MLYCD: variants seen among roughly 807,000 people sequenced by gnomAD.
The protein encoded by MLYCD is malonyl-CoA decarboxylase.
In MLYCD, 27 loss-of-function variants were observed where a neutral mutation model predicts 35.8. That is an observed-to-expected ratio of 0.75 (90% CI 0.56 to 1.04). MLYCD has a LOEUF of 1.04. Among genes scored for constraint, MLYCD ranks in the 50% least tolerant of loss-of-function variants. The pLI is 0.00. For synonymous variants in MLYCD, 403 were observed against 302.4 expected (o/e 1.33, Z -3.45); for missense variants, 917 against 665.1 (o/e 1.38, Z -4.17).
At position 83,907,071 on chromosome 16, in the gene MLYCD, C is replaced by G; in HGVS notation, c.613C>G (p.Pro205Ala). ...CCTAGAACGGGTTACCTGGCATTCA[C>G]CGTGTGAAGTGCTTCAGAAAATCAG... ...LNLERVTWHS[P>A]CEVLQKISEA... The change falls in exon 2 of 5, where the codon CCG becomes GCG. Residue 205 changes from proline to alanine, a missense_variant. Transcript: ENST00000262430. 6.2e-7 allele frequency: 1 copy of G among 1,614,060 alleles called. No individual in the cohort carries two copies. Among genetic ancestry groups the G allele is most frequent in the South Asian group, 1.1e-5 (1 of 91,080 alleles).
At chr16:83,900,822 G>GA (rs1183610020) in intron 1 of MLYCD, among the ~76,000 whole-genome samples, 1 of 152,156 alleles carries the variant, frequency 6.6e-6, no homozygotes, top group East Asian at 1.9e-4. Context: ...TTACGTGGGT[G>GA]ATAACACGTA....
chr16:83,909,652 G>A (rs1400816691), intron 3 of MLYCD, among the ~76,000 whole-genome samples: 5 of 143,684 alleles, frequency 3.5e-5, no homozygotes, highest in East Asian at 2.0e-4. Context: ...GCGGAGTTTC[G>A]CTCTTCTTGC....
At chr16:83,900,935 G>T (rs1276889562) in intron 1 of MLYCD, among the ~76,000 whole-genome samples, 1 of 152,150 alleles carries the variant, frequency 6.6e-6, no homozygotes, top group Admixed American at 6.5e-5. Flanking sequence ...AGGGTTATTT[G>T]CACTACGCTT....
chr16:83,916,401 CGT>C lies in MLYCD; in HGVS notation c.*913_*914del, dbSNP rs1187669336. On this transcript the variant is annotated 3_prime_UTR_variant, in exon 5 of 5. Transcript: ENST00000262430. ...GCACATCTGTGTGCATGTGCACGAG[CGT>C]CTCTGTGTGGATCAGTGCACGTCTG... is the stretch of plus-strand genomic sequence containing the variant. The C allele has an allele frequency of 6.0e-6, 1 of 165,604 alleles. No individual in the cohort carries two copies. Among genetic ancestry groups the C allele is most frequent in the African/African-American group, 2.4e-5 (1 of 41,520 alleles). 10.3% of individuals were successfully genotyped at this position (165,604 alleles called of 1,614,324 possible).
Position 83,915,011 on chromosome 16 carries a change from C to A in MLYCD, c.1004C>A (p.Thr335Asn), listed in dbSNP as rs76060070. Residue 335 changes from threonine to asparagine, a missense_variant, in exon 5 of 5, where the codon ACC becomes AAC. By Grantham distance (65) the Thr-to-Asn change is moderately conservative. Transcript: ENST00000262430. The stretch of plus-strand genomic sequence containing the variant: ...AGTCTGTCACCTATACCTGGTTTCA[C>A]CAAATGGCTTCTGGGGCTTCTGAAC... ...FSSLSPIPGF[T>N]KWLLGLLNSQ... 2.0e-5 allele frequency: 32 copies of A among 1,614,104 alleles called. No individual in the cohort carries two copies. Among genetic ancestry groups the A allele is most frequent in the Non-Finnish European group, 2.5e-5 (30 of 1,180,054 alleles).
At chr16:83,902,619 C>T (rs1906837413) in intron 1 of MLYCD, among the ~76,000 whole-genome samples, 1 of 151,420 alleles carries the variant, frequency 6.6e-6, no homozygotes, top group African/African-American at 2.4e-5. Flanking sequence ...CATTCTCCCA[C>T]CTCAGCCTCC....
chr16:83,912,341 A>G lies in MLYCD; in HGVS notation c.922A>G (p.Ile308Val), dbSNP rs765939985. ...AGGGGTGGAGCTGGGAACATTCCTC[A>G]TAAAGCGAGTCGTCAAGGAGTTGCA... The part of the protein sequence containing the change: ...LQGVELGTFL[I>V]KRVVKELQRE... Residue 308 changes from isoleucine to valine, a missense_variant, in exon 4 of 5, where the codon ATA (isoleucine) becomes GTA (valine). Transcript: ENST00000262430. 2 of 1,614,216 alleles carry G rather than the reference A, an allele frequency of 1.2e-6. No homozygotes were observed. Among genetic ancestry groups the G allele is most frequent in the Non-Finnish European group, 1.7e-6 (2 of 1,180,044 alleles).
intron 4 of MLYCD, chr16:83,912,675 G>C (rs1276817446): frequency 2.5e-6 from 1 of 400,644 alleles, no homozygotes; most frequent in Non-Finnish European, 4.8e-6. Flanking sequence ...GGACACTCTG[G>C]ATTTCACGTG....
chr16:83,906,477 T>C (rs1204147036), intron 1 of MLYCD, among the ~76,000 whole-genome samples: 4 of 152,182 alleles, frequency 2.6e-5, no homozygotes, highest in Non-Finnish European at 5.9e-5. Context: ...AATATGAAAA[T>C]GTACATCTCT....
At position 83,912,713 on chromosome 16, in the gene MLYCD, A is replaced by G. The variant is rs1213081976; in HGVS notation, c.948+346A>G. 14 of 360,560 alleles carry G rather than the reference A, an allele frequency of 3.9e-5. No individual in the cohort carries two copies. The East Asian group carries it at 7.7e-4, about 20-fold the overall frequency. The allele number at this position is 360,560 out of a possible 1,614,324, so 22.3% of individuals were successfully genotyped here. ...ATCCTGGTGTAAGTGTCACTCTGAA[A>G]TGTCCCAGCCAGATGGCACAGCTGG... On this transcript the variant is annotated intron_variant, in intron 4 of 4. Transcript: ENST00000262430.
At chr16:83,906,390 C>T (rs1597290039) in intron 1 of MLYCD, among the ~76,000 whole-genome samples, 2 of 152,090 alleles carry the variant, frequency 1.3e-5, no homozygotes, top group Non-Finnish European at 2.9e-5. Context: ...GACCCCGTCT[C>T]TTAAAACAAA....
At chr16:83,907,195 T>C in intron 2 of MLYCD, 96 bp downstream of exon 2, 1 of 1,058,334 alleles carries the variant, frequency 9.4e-7, no homozygotes, top group Non-Finnish European at 1.4e-6. Context: ...TCTCCATTCA[T>C]ATGTACAGTT....
At chr16:83,908,097 G>T in intron 2 of MLYCD, 29 bp from the exon 3 acceptor site, 8 of 1,613,964 alleles carry the variant, frequency 5.0e-6, no homozygotes, top group Non-Finnish European at 6.8e-6. Flanking sequence ...TTATGCATTT[G>T]TCTTGTCTCT....
rs1907447150 is a variant in MLYCD at position 83,917,237 on chromosome 16, G to A, written c.*1748G>A. ...AGCGTCTCTGTGTGGATCAGTGCAC[G>A]TCTGTGTGCGTGTGCCCGAGCGTCT... On this transcript the variant is annotated 3_prime_UTR_variant, in exon 5 of 5. Transcript: ENST00000262430. 1 of 140,274 alleles carries A rather than the reference G, an allele frequency of 7.1e-6. No homozygotes were observed. Among genetic ancestry groups the A allele is most frequent in the Non-Finnish European group, 1.5e-5 (1 of 67,552 alleles). The allele number at this position is 140,274 out of a possible 1,614,324, so 8.7% of individuals were successfully genotyped here.
chr16:83,907,128 T>C, intron 2 of MLYCD, 29 bp downstream of exon 2: 1 of 1,540,618 alleles, frequency 6.5e-7, no homozygotes, highest in South Asian at 1.1e-5. Context: ...ATTTTCTTTG[T>C]ACATACATTT....
chr16:83,912,084 C>A (rs940627515), intron 3 of MLYCD, 134 bp from the exon 4 acceptor site: 2 of 1,312,320 alleles, frequency 1.5e-6, no homozygotes, highest in African/African-American at 1.5e-5. Flanking sequence ...TAGCCTGAAC[C>A]CCAGCTGGGG....
chr16:83,907,108 T>C lies in MLYCD; in HGVS notation c.641+9T>C. 3 of 1,600,002 alleles carry C rather than the reference T, an allele frequency of 1.9e-6. No homozygotes were observed. The highest frequency in any genetic ancestry group is 2.6e-6 in the Non-Finnish European group (3 of 1,167,020). ...CTTCAGAAAATCAGTGAGTAAGTAT[T>C]ACGGTTTTCATTTTCTTTGTACATA... On this transcript the variant is annotated intron_variant, in intron 2 of 4. Transcript: ENST00000262430.
chr16:83,902,794 C>G (rs1315771802), intron 1 of MLYCD, among the ~76,000 whole-genome samples: 6 of 152,210 alleles, frequency 3.9e-5, no homozygotes, highest in Non-Finnish European at 8.8e-5. Context: ...GTGTGAACCA[C>G]TGTGCCTGGC....
Position 83,899,627 on chromosome 16 carries a change from G to A in MLYCD, c.483G>A (p.Leu161=). 1 of 1,563,858 alleles carries A rather than the reference G, an allele frequency of 6.4e-7. No homozygotes were observed. Among genetic ancestry groups the A allele is most frequent in the Non-Finnish European group, 8.6e-7 (1 of 1,163,794 alleles). The change falls in exon 1 of 5, where the codon CTG becomes CTA. Residue 161 remains leucine, a synonymous_variant. Transcript: ENST00000262430. ...VRFLVQLRAD[L]LEAQALKLVE... The stretch of plus-strand genomic sequence containing the variant: ...TCCTGGTGCAGCTGCGGGCCGACCT[G>A]CTGGAGGCGCAGGCCCTCAAGCTGG...
Sources: gnomAD v4.1 joint callset for allele counts (sites outside exome capture counted in the v4.1 genomes callset) on GRCh38, gnomAD v4.1.1 for gene constraint, MANE v1.5 for transcripts, NCBI Gene and HGNC (gene_info 2026-07-23, HGNC 2026-07-21) for gene names.